The following DPP4 variants were observed in gnomAD, a reference collection of about 807,000 sequenced individuals.
DPP4 encodes the protein ADCP-2.
Under a neutral mutation model 122.4 loss-of-function variants are expected in DPP4, and 93 were observed. The ratio of observed to expected loss-of-function variants is 0.76; its 90% CI spans 0.64 to 0.90. The LOEUF (loss-of-function observed/expected upper bound fraction) is 0.90, where lower values mean the gene tolerates loss of function less well. Among genes scored for constraint, DPP4 ranks in the 40% least tolerant of loss-of-function variants. DPP4 has a pLI of 0.00. For synonymous variants in DPP4, 321 were observed against 302.9 expected (o/e 1.06, Z -0.62); for missense variants, 914 against 907.3 (o/e 1.01, Z -0.09).
At chr2:162,051,660 G>A (rs1684387970) in intron 2 of DPP4, among the ~76,000 whole-genome samples, 1 of 152,184 alleles carries the variant, frequency 6.6e-6, no homozygotes, top group South Asian at 2.1e-4. Context: ...TCCAAAATTT[G>A]CTTTAGCAAA....
At chr2:162,050,882 T>C (rs979037583) in intron 2 of DPP4, among the ~76,000 whole-genome samples, 10 of 152,220 alleles carry the variant, frequency 6.6e-5, no homozygotes, top group Non-Finnish European at 1.5e-4. Context: ...ACTTGCTCAC[T>C]GACAGGGCAC....
intron 2 of DPP4, among the ~76,000 whole-genome samples, chr2:162,064,800 T>A (rs1684895756): frequency 6.6e-6 from 1 of 152,150 alleles, no homozygotes; most frequent in Non-Finnish European, 1.5e-5. Flanking sequence ...GTCCTTGAGA[T>A]CAGAAAGGCA....
chr2:162,053,520 C>T (rs563713194), intron 2 of DPP4, among the ~76,000 whole-genome samples: 11 of 152,260 alleles, frequency 7.2e-5, no homozygotes, highest in African/African-American at 1.4e-4. Context: ...ACATGCCGTC[C>T]GTAGGCCACA....
Position 162,033,368 on chromosome 2 carries a change from G to C in DPP4, c.887+173C>G, listed in dbSNP as rs535116379. Among the ~76,000 whole-genome samples the C allele has an allele frequency of 1.4e-3, 217 of 152,272 alleles. 1 individual carries two copies. The highest frequency in any genetic ancestry group is 4.8e-3 in the African/African-American group (199 of 41,548). ...ATCCTCATCTCTAGAGTTGTGCCCA[G>C]CCTGAGGACGTGAAGATGCTCAACA... On this transcript the variant is annotated intron_variant, in intron 10 of 25. Coordinates refer to ENST00000360534, the MANE Select transcript of DPP4 (RefSeq NM_001935.4).
At chr2:162,042,390 C>CCACT (rs549027321) in intron 5 of DPP4, among the ~76,000 whole-genome samples, 26 of 152,230 alleles carry the variant, frequency 1.7e-4, no homozygotes, top group African/African-American at 4.1e-4. Flanking sequence ...GGGTACTTAT[C>CCACT]CACTCACTCA....
chr2:162,034,899 C>T (rs1240582819), intron 9 of DPP4, among the ~76,000 whole-genome samples: 2 of 152,100 alleles, frequency 1.3e-5, no homozygotes, highest in East Asian at 1.9e-4. Context: ...TTTCATTCCC[C>T]TTATCTCTTT....
In DPP4 at chr2:162,008,688, T is replaced by C. The variant is rs535564894; in HGVS notation, c.1888-27A>G. 58 of 1,591,062 alleles carry C rather than the reference T, an allele frequency of 3.6e-5. No homozygotes were observed. The South Asian group carries it at 5.9e-4, about 16-fold the overall frequency. On this transcript the variant is annotated intron_variant, in intron 21 of 25. Coordinates refer to ENST00000360534, the MANE Select transcript of DPP4 (RefSeq NM_001935.4). ...TAAGGAATGGAAACAGTTATTTTTA[T>C]GGAGGTAAAAGAATAAGGACATATG... is the stretch of plus-strand genomic sequence containing the variant.
intron 19 of DPP4, among the ~76,000 whole-genome samples, chr2:162,012,918 G>A (rs1682756101): frequency 1.3e-5 from 2 of 152,110 alleles, no homozygotes; most frequent in South Asian, 4.1e-4. Flanking sequence ...ACTTAGGGAG[G>A]TCAGTCAAAA....
At chr2:162,051,569 G>T (rs192334823) in intron 2 of DPP4, among the ~76,000 whole-genome samples, 65 of 152,332 alleles carry the variant, frequency 4.3e-4, no homozygotes, top group Non-Finnish European at 8.8e-4. Flanking sequence ...TAAAGTTCCT[G>T]TGTTCCATAT....
intron 25 of DPP4, among the ~76,000 whole-genome samples, chr2:161,994,267 C>G (rs529776967): frequency 2.0e-5 from 3 of 152,198 alleles, no homozygotes; most frequent in Admixed American, 6.5e-5. Flanking sequence ...GCATTGGGCA[C>G]CATTTGAACT....
At chr2:162,001,725 C>T (rs1017148510) in intron 23 of DPP4, among the ~76,000 whole-genome samples, 1 of 152,150 alleles carries the variant, frequency 6.6e-6, no homozygotes, top group African/African-American at 2.4e-5. Flanking sequence ...TGCTGATTGA[C>T]ATTGGTTTTG....
chr2:162,048,027 T>G (rs1180223000), intron 2 of DPP4, among the ~76,000 whole-genome samples: 2 of 152,164 alleles, frequency 1.3e-5, no homozygotes. Context: ...TAGTTATGTG[T>G]GGCCAGGTGT....
intron 10 of DPP4, among the ~76,000 whole-genome samples, chr2:162,028,619 C>T (rs1225032179): frequency 6.6e-6 from 1 of 152,184 alleles, no homozygotes; most frequent in East Asian, 1.9e-4. Flanking sequence ...ACATATGAGC[C>T]AGCAAGCTCT....
At chr2:162,069,468 C>T (rs908429938) in intron 2 of DPP4, among the ~76,000 whole-genome samples, 1 of 152,208 alleles carries the variant, frequency 6.6e-6, no homozygotes, top group Non-Finnish European at 1.5e-5. Flanking sequence ...TTCATTTTCT[C>T]TCTCTTTGTG....
At position 162,033,624 on chromosome 2, in the gene DPP4, G is replaced by A. The variant is rs199657791; in HGVS notation, c.804C>T (p.Phe268=). 1 of 1,608,248 alleles carries A rather than the reference G, an allele frequency of 6.2e-7. No homozygotes were observed. The highest frequency in any genetic ancestry group is 1.1e-5 in the South Asian group (1 of 90,646). The change falls in exon 10 of 26, where the codon TTC becomes TTT. Residue 268 remains phenylalanine, a synonymous_variant. Transcript: ENST00000360534. ...TGAGAGAGTCTGTATTTACAACAAA[G>A]AACTTTACAGTTGGATTCACAGCTC... ...KAGAVNPTVK[F]FVVNTDSLSS...
rs1361746820 is a variant in DPP4 at position 162,011,786 on chromosome 2, C to G, written c.1832+7G>C. 1 of 1,612,360 alleles carries G rather than the reference C, an allele frequency of 6.2e-7. No individual in the cohort carries two copies. The highest frequency in any genetic ancestry group is 1.7e-5 in the Admixed American group (1 of 59,918). On this transcript the variant is annotated splice_region_variant and intron_variant, in intron 20 of 25. Transcript: ENST00000360534. Reference sequence around the variant, plus strand: ...ATGACCTTTGACTTCATCTCCTAGTCACTCACCTGGCTGCTTCAATTTGAT... The same window carrying G: ...ATGACCTTTGACTTCATCTCCTAGTGACTCACCTGGCTGCTTCAATTTGAT...
At chr2:162,032,709 CAA>C (rs113610682) in intron 10 of DPP4, among the ~76,000 whole-genome samples, 5 of 68,132 alleles carry the variant, frequency 7.3e-5, no homozygotes, top group African/African-American at 2.5e-4. Flanking sequence ...ACAACAACAA[CAA>C]AAAAAAAAAC....
chr2:162,070,430 G>T (rs1316499580), intron 2 of DPP4, among the ~76,000 whole-genome samples: 1 of 152,130 alleles, frequency 6.6e-6, no homozygotes, highest in Non-Finnish European at 1.5e-5. Flanking sequence ...CCTCTCAGGG[G>T]ATGAACTTGG....
chr2:162,071,452 G>A (rs1229758639), intron 2 of DPP4, among the ~76,000 whole-genome samples: 1 of 151,314 alleles, frequency 6.6e-6, no homozygotes. Context: ...GACCATCCTG[G>A]CCAACATGGT....
Sources: gnomAD v4.1 joint callset for allele counts (sites outside exome capture counted in the v4.1 genomes callset) on GRCh38, gnomAD v4.1.1 for gene constraint, MANE v1.5 for transcripts, NCBI Gene and HGNC (gene_info 2026-07-23, HGNC 2026-07-21) for gene names.